The following PCDH15 variants were observed in gnomAD, a reference collection of about 807,000 sequenced individuals.
PCDH15 encodes the protein protocadherin-15.
PCDH15 carries 129 observed loss-of-function variants against 178.5 expected under a neutral mutation model. The observed-to-expected ratio is 0.72, with a 90% CI of 0.63 to 0.84. The LOEUF is 0.84. Ranked by LOEUF, PCDH15 falls within the 40% of genes least tolerant of loss-of-function variation. The pLI is 0.00. For synonymous variants in PCDH15, 800 were observed against 732.0 expected, an observed-to-expected ratio of 1.09 and a Z score of -1.50; for missense variants, 2,230 against 2,099.9, an observed-to-expected ratio of 1.06 and a Z score of -1.21.
At chr10:54,131,895 C>G (rs2042467530) in intron 15 of PCDH15, among the ~76,000 whole-genome samples, 1 of 152,132 alleles carries the variant, frequency 6.6e-6, no homozygotes, top group Non-Finnish European at 1.5e-5. Flanking sequence ...ACTTTTATAT[C>G]ATCCGAATTT....
At chr10:55,236,656 T>C (rs1290852940) in intron 1 of PCDH15, among the ~76,000 whole-genome samples, 1 of 152,090 alleles carries the variant, frequency 6.6e-6, no homozygotes, top group Non-Finnish European at 1.5e-5. Flanking sequence ...TTCTGTATTT[T>C]GAAATAATAC....
At chr10:53,839,447 T>A (rs2077508575) in intron 29 of PCDH15, among the ~76,000 whole-genome samples, 1 of 152,132 alleles carries the variant, frequency 6.6e-6, no homozygotes, top group South Asian at 2.1e-4. Flanking sequence ...TGTAAATGTG[T>A]ATATGGATAT....
chr10:54,369,735 A>G (rs115552817), intron 4 of PCDH15, among the ~76,000 whole-genome samples: 2,740 of 152,136 alleles, frequency 0.018, 91 homozygotes, highest in African/African-American at 0.062. Flanking sequence ...CTGATTACCA[A>G]AAGAGAAAAT....
chr10:55,454,780 C>CAA (rs10606669), intron 2 of PCDH15, among the ~76,000 whole-genome samples: 7 of 98,314 alleles, frequency 7.1e-5, no homozygotes, highest in Non-Finnish European at 1.2e-4. Flanking sequence ...GACTCTGTCT[C>CAA]AAAAAAAAAA....
chr10:54,910,985 T>G (rs999046822), intron 2 of PCDH15, among the ~76,000 whole-genome samples: 3 of 152,026 alleles, frequency 2.0e-5, no homozygotes, highest in Admixed American at 6.6e-5. Context: ...AACAAAGACA[T>G]GTTGGAGATG....
At position 55,370,378 on chromosome 10, in the gene PCDH15, A is replaced by G. The variant is rs1391612746; in HGVS notation, c.-155-203727T>C. On this transcript the variant is annotated intron_variant, in intron 2 of 5. Transcript: ENST00000613346. ...AAAAGCTCACTTGACTAGGGCTAAT[A>G]CACTTCAGTTACTTTAAATTAACCA... 2.6e-5 allele frequency among the ~76,000 whole-genome samples: 4 copies of G among 152,154 alleles called. No homozygotes were observed. The East Asian group carries it at 7.7e-4, about 29-fold the overall frequency.
chr10:54,681,093 A>G (rs2094890959), intron 1 of PCDH15, among the ~76,000 whole-genome samples: 1 of 152,130 alleles, frequency 6.6e-6, no homozygotes, highest in South Asian at 2.1e-4. Flanking sequence ...GGCCAGATTA[A>G]TAAGAGGGAG....
rs560101412 is a variant in PCDH15, at chr10:54,134,174, G to T, written c.1785-1167C>A. On this transcript the variant is annotated intron_variant, in intron 14 of 37. Coordinates refer to ENST00000644397, the MANE Select transcript of PCDH15 (RefSeq NM_001384140.1). The stretch of plus-strand genomic sequence containing the variant: ...TTCTCCTGCCTCAGCCTCCCAAGTA[G>T]CTGGGATTACAGGCCTGTGTCAAAA... Among the ~76,000 whole-genome samples the T allele has an allele frequency of 8.2e-5, 11 of 133,938 alleles. 2 individuals carry two copies. Among genetic ancestry groups the T allele is most frequent in the Non-Finnish European group, 1.8e-4 (11 of 61,970 alleles). 87.9% of individuals were successfully genotyped at this position (133,938 alleles called of 152,430 possible). A position where few individuals can be genotyped will look rare whatever the true frequency, so the allele number is the denominator to read the frequency against.
At chr10:53,946,950 G>A (rs1378797979) in intron 23 of PCDH15, among the ~76,000 whole-genome samples, 1 of 151,998 alleles carries the variant, frequency 6.6e-6, no homozygotes, top group African/African-American at 2.4e-5. Flanking sequence ...CTAATTTTTT[G>A]TATTTTTAGT....
chr10:55,503,588 T>C (rs1019695828), intron 2 of PCDH15, among the ~76,000 whole-genome samples: 1 of 151,230 alleles, frequency 6.6e-6, no homozygotes, highest in Admixed American at 6.6e-5. Context: ...ATTGGTAATA[T>C]TGTGAGAATA....
intron 1 of PCDH15, among the ~76,000 whole-genome samples, chr10:54,681,332 C>T (rs2094895028): frequency 6.6e-6 from 1 of 152,048 alleles, no homozygotes; most frequent in South Asian, 2.1e-4. Flanking sequence ...CAAAAAATTG[C>T]CAGTCATGAA....
At chr10:54,667,053 C>T (rs1162227424) in intron 1 of PCDH15, among the ~76,000 whole-genome samples, 2 of 151,934 alleles carry the variant, frequency 1.3e-5, no homozygotes, top group African/African-American at 4.8e-5. Flanking sequence ...GAAAGCATCA[C>T]AGACAAAACT....
intron 2 of PCDH15, among the ~76,000 whole-genome samples, chr10:55,442,588 G>A (rs1046805516): frequency 6.7e-6 from 1 of 149,722 alleles, no homozygotes; most frequent in Non-Finnish European, 1.5e-5. Flanking sequence ...TTATCTATGG[G>A]TGGGGATAGC....
intron 2 of PCDH15, among the ~76,000 whole-genome samples, chr10:55,470,925 C>A (rs748357090): frequency 1.3e-5 from 2 of 151,918 alleles, no homozygotes; most frequent in Non-Finnish European, 2.9e-5. Flanking sequence ...ATGTAGCTTT[C>A]CAAATAGGCT....
At chr10:55,228,646 A>G (rs1272809223) in intron 1 of PCDH15, among the ~76,000 whole-genome samples, 1 of 151,984 alleles carries the variant, frequency 6.6e-6, no homozygotes, top group African/African-American at 2.4e-5. Flanking sequence ...TCAAACTGGG[A>G]AACTAAGGGA....
intron 2 of PCDH15, among the ~76,000 whole-genome samples, chr10:55,609,915 C>T (rs1050390862): frequency 6.6e-5 from 10 of 151,852 alleles, no homozygotes; most frequent in East Asian, 5.8e-4. Flanking sequence ...GAAATAGCTC[C>T]GTAAACAATA....
chr10:53,826,161 AT>A (rs2076667054), intron 32 of PCDH15, among the ~76,000 whole-genome samples: 1 of 151,842 alleles, frequency 6.6e-6, no homozygotes, highest in Non-Finnish European at 1.5e-5. Context: ...AGAAACAATC[AT>A]TTTTCAACTT....
intron 2 of PCDH15, among the ~76,000 whole-genome samples, chr10:54,988,420 G>A (rs1839423048): frequency 6.6e-6 from 1 of 152,172 alleles, no homozygotes; most frequent in Non-Finnish European, 1.5e-5. Flanking sequence ...AAGAAGACAA[G>A]ACGTGGGAAA....
intron 1 of PCDH15, among the ~76,000 whole-genome samples, chr10:55,281,255 T>TTTATAATCTG (rs960292063): frequency 3.3e-5 from 5 of 152,202 alleles, no homozygotes; most frequent in African/African-American, 1.2e-4. Context: ...AGAAAAATAA[T>TTTATAATCTG]TTATAATCTG....
Sources: gnomAD v4.1 joint callset for allele counts (sites outside exome capture counted in the v4.1 genomes callset) on GRCh38, gnomAD v4.1.1 for gene constraint, MANE v1.5 for transcripts, NCBI Gene and HGNC (gene_info 2026-07-23, HGNC 2026-07-21) for gene names.